POLR3B: variants seen among roughly 807,000 people sequenced by gnomAD.
POLR3B encodes the protein DNA-directed RNA polymerase III subunit RPC2.
Under a neutral mutation model 147.4 loss-of-function variants are expected in POLR3B, and 96 were observed. The ratio of observed to expected loss-of-function variants is 0.65; its 90% CI spans 0.55 to 0.77. POLR3B has a LOEUF of 0.77. Among genes scored for constraint, POLR3B ranks in the 30% least tolerant of loss-of-function variants. The probability of loss-of-function intolerance (pLI) is 0.00; values close to 1 mark genes in which losing one functional copy is unlikely to be tolerated. For synonymous variants in POLR3B, 461 were observed against 485.9 expected, an observed-to-expected ratio of 0.95 and a Z score of 0.67; for missense variants, 1,036 against 1,413.5, an observed-to-expected ratio of 0.73 and a Z score of 4.28.
At chr12:106,498,145 A>G (rs1217468076) in intron 25 of POLR3B, among the ~76,000 whole-genome samples, 1 of 152,232 alleles carries the variant, frequency 6.6e-6, no homozygotes, top group Non-Finnish European at 1.5e-5. Context: ...ACTGGCTATG[A>G]TATTTCAACT....
intron 9 of POLR3B, among the ~76,000 whole-genome samples, chr12:106,385,313 C>G (rs920597490): frequency 1.3e-5 from 2 of 151,872 alleles, no homozygotes; most frequent in African/African-American, 4.8e-5. Context: ...TAATGATAAC[C>G]GATTGTATAT....
intron 10 of POLR3B, among the ~76,000 whole-genome samples, chr12:106,398,033 G>A (rs768026862): frequency 7.9e-5 from 12 of 152,236 alleles, no homozygotes; most frequent in South Asian, 2.1e-4. Context: ...GCAGGGCGAC[G>A]CATCACCTCA....
At chr12:106,362,784 A>T (rs1302320245) in intron 1 of POLR3B, among the ~76,000 whole-genome samples, 2 of 152,162 alleles carry the variant, frequency 1.3e-5, no homozygotes, top group Non-Finnish European at 1.5e-5. Context: ...GACACAATTC[A>T]ACCTATATCA....
In POLR3B at chr12:106,496,181, A is replaced by G. The variant is rs1263052259; in HGVS notation, c.2817+23A>G. The G allele has an allele frequency of 8.8e-6, 12 of 1,362,214 alleles. No individual in the cohort carries two copies. In the East Asian group the frequency reaches 9.2e-5, roughly 10 times the overall value. The allele number at this position is 1,362,214 out of a possible 1,614,324, so 84.4% of individuals were successfully genotyped here. On this transcript the variant is annotated intron_variant, in intron 24 of 27. Transcript: ENST00000228347. Reference sequence around the variant, plus strand: ...ACGGTCAGTGACCTGTAGGTTTTTCAGAGGCATTGCCTTTAAGGAAGAAGC... The same window carrying G: ...ACGGTCAGTGACCTGTAGGTTTTTCGGAGGCATTGCCTTTAAGGAAGAAGC...
intron 10 of POLR3B, among the ~76,000 whole-genome samples, chr12:106,393,765 A>AAC (rs1200165882): frequency 1.8e-5 from 2 of 111,494 alleles, no homozygotes; most frequent in Non-Finnish European, 3.6e-5. Context: ...AAGACTGAGA[A>AAC]ATACACACAC....
chr12:106,503,146 T>G (rs1277222754), intron 26 of POLR3B, among the ~76,000 whole-genome samples: 3 of 152,228 alleles, frequency 2.0e-5, no homozygotes, highest in Non-Finnish European at 2.9e-5. Flanking sequence ...GTTATGAAGT[T>G]TCCACTATAA....
At chr12:106,369,424 A>T in intron 5 of POLR3B, 74 bp downstream of exon 5, 1 of 1,000,536 alleles carries the variant, frequency 1.0e-6, no homozygotes, top group Non-Finnish European at 1.6e-6. Flanking sequence ...TACTCTTAAA[A>T]GATCATTTAA....
rs12309432 is a variant in POLR3B, at chr12:106,363,044, C to T, written c.73-826C>T. ...GGGTCTGCCACCTTCCCTGGCCACT[C>T]CTCGGTCTCCTTTGCTGGAGCTGCC... On this transcript the variant is annotated intron_variant, in intron 1 of 27. Coordinates refer to ENST00000228347, the MANE Select transcript of POLR3B (RefSeq NM_018082.6). 3.5e-3 allele frequency among the ~76,000 whole-genome samples: 529 copies of T among 152,260 alleles called. 2 individuals are homozygous for T. The highest frequency in any genetic ancestry group is 0.011 in the African/African-American group (465 of 41,548).
intron 1 of POLR3B, among the ~76,000 whole-genome samples, chr12:106,359,708 G>C (rs1347253409): frequency 6.6e-6 from 1 of 152,186 alleles, no homozygotes; most frequent in Non-Finnish European, 1.5e-5. Flanking sequence ...GCCAGGTTCT[G>C]TTTAACCATA....
Position 106,403,303 on chromosome 12 carries a change from G to A in POLR3B, c.847-2554G>A, listed in dbSNP as rs1253054165. On this transcript the variant is annotated intron_variant, in intron 10 of 27. Coordinates refer to ENST00000228347, the MANE Select transcript of POLR3B (RefSeq NM_018082.6). ...TAGAATGGTGATCATTAAAAAGTCA[G>A]GAAACAACAGGTGCTGGAGAGGATG... is the stretch of plus-strand genomic sequence containing the variant. 6.0e-3 allele frequency among the ~76,000 whole-genome samples: 723 copies of A among 121,038 alleles called. 2 individuals are homozygous for A. The highest frequency in any genetic ancestry group is 0.011 in the African/African-American group (423 of 37,456). The allele number at this position is 121,038 out of a possible 152,430, so 79.4% of individuals were successfully genotyped here.
chr12:106,376,629 C>CTTTCTTTTTTTT (rs1555208970), intron 7 of POLR3B, among the ~76,000 whole-genome samples, 179 bp downstream of exon 7: 17 of 147,524 alleles, frequency 1.2e-4, no homozygotes, highest in African/African-American at 4.4e-4. Flanking sequence ...TTCTTTCTTT[C>CTTTCTTTTTTTT]TTTTTTGAGA....
chr12:106,418,452 A>G (rs2037334093), intron 12 of POLR3B, among the ~76,000 whole-genome samples: 3 of 152,196 alleles, frequency 2.0e-5, no homozygotes, highest in Non-Finnish European at 4.4e-5. Context: ...TAATTTTGCA[A>G]CCAGTTTGTG....
chr12:106,493,382 C>A (rs903282121), intron 23 of POLR3B, among the ~76,000 whole-genome samples: 11 of 152,110 alleles, frequency 7.2e-5, no homozygotes, highest in Admixed American at 2.6e-4. Flanking sequence ...TTGAATAATT[C>A]TGAAACAGAG....
chr12:106,405,539 T>TACACACACACACACACACAC lies in POLR3B; in HGVS notation c.847-296_847-277dup, dbSNP rs71072675. Among the ~76,000 whole-genome samples, 59 of 142,696 alleles carry TACACACACACACACACACAC rather than the reference T, an allele frequency of 4.1e-4. 1 individual carries two copies. The highest frequency in any genetic ancestry group is 3.9e-3 in the East Asian group (17 of 4,408). 93.6% of individuals were successfully genotyped at this position (142,696 alleles called of 152,430 possible). ...GAAGGACTGATGGCTGCTATATGTC[T>TACACACACACACACACACAC]ACACACACACACACACACACACACA... On this transcript the variant is annotated intron_variant, in intron 10 of 27. Coordinates refer to ENST00000228347, the MANE Select transcript of POLR3B (RefSeq NM_018082.6).
intron 9 of POLR3B, among the ~76,000 whole-genome samples, chr12:106,382,391 T>G (rs1441287178): frequency 6.6e-6 from 1 of 152,218 alleles, no homozygotes; most frequent in Non-Finnish European, 1.5e-5. Context: ...TCACAGATAT[T>G]CTTATTGGCA....
At chr12:106,402,757 C>T (rs866558140) in intron 10 of POLR3B, among the ~76,000 whole-genome samples, 38 of 152,046 alleles carry the variant, frequency 2.5e-4, no homozygotes, top group Middle Eastern at 3.4e-3. Flanking sequence ...GCTAGCCATA[C>T]GTAGAAAGCT....
At chr12:106,455,961 A>G (rs2137029263) in intron 20 of POLR3B, among the ~76,000 whole-genome samples, 1 of 152,344 alleles carries the variant, frequency 6.6e-6, no homozygotes, top group Admixed American at 6.5e-5. Flanking sequence ...TGATTTCTAA[A>G]GTCACATTCT....
At chr12:106,419,070 T>A (rs1206013879) in intron 12 of POLR3B, among the ~76,000 whole-genome samples, 1 of 152,164 alleles carries the variant, frequency 6.6e-6, no homozygotes, top group Non-Finnish European at 1.5e-5. Flanking sequence ...TTAAGGGCAT[T>A]CGATTCTGTT....
intron 12 of POLR3B, among the ~76,000 whole-genome samples, chr12:106,415,940 CTA>C (rs1044639137): frequency 5.3e-5 from 8 of 152,166 alleles, no homozygotes; most frequent in African/African-American, 1.9e-4. Flanking sequence ...CAGAGACACT[CTA>C]TGCATATACA....
Sources: gnomAD v4.1 joint callset for allele counts (sites outside exome capture counted in the v4.1 genomes callset) on GRCh38, gnomAD v4.1.1 for gene constraint, MANE v1.5 for transcripts, NCBI Gene and HGNC (gene_info 2026-07-23, HGNC 2026-07-21) for gene names.